ILDR1: variants seen among roughly 807,000 people sequenced by gnomAD.
ILDR1 encodes immunoglobulin like domain containing receptor 1, also known as immunoglobulin-like domain-containing receptor 1.
A neutral mutation model predicts 62.4 loss-of-function variants in ILDR1; 56 were observed. The ratio of observed to expected loss-of-function variants is 0.90; its 90% CI spans 0.72 to 1.12. The LOEUF (loss-of-function observed/expected upper bound fraction) is 1.12, where lower values mean the gene tolerates loss of function less well. Among genes scored for constraint, ILDR1 ranks in the 50% most tolerant of loss-of-function variants. The pLI, the probability that ILDR1 is intolerant of heterozygous loss-of-function variation, is 0.00. For missense variants in ILDR1, 736 were observed against 710.6 expected, an observed-to-expected ratio of 1.04 and a Z score of -0.41; for synonymous variants, 284 against 277.8, an observed-to-expected ratio of 1.02 and a Z score of -0.22.
Position 122,001,798 on chromosome 3 carries a change from G to C in ILDR1, c.446C>G (p.Ala149Gly). 1 of 1,613,394 alleles carries C rather than the reference G, an allele frequency of 6.2e-7. No individual in the cohort carries two copies. The highest frequency in any genetic ancestry group is 8.5e-7 in the Non-Finnish European group (1 of 1,179,906). The change falls in exon 4 of 8, where the codon GCT (alanine) becomes GGT (glycine). Residue 149 changes from alanine (A) to glycine (G), a missense_variant. Physicochemically the swap from Ala to Gly is moderately conservative, Grantham distance 60. Transcript: ENST00000344209. ...GGGGTCTCCTGATGTGTCCCCTGGA[G>C]CCTCAATGGTGCAGTAATACACTCC... is the stretch of plus-strand genomic sequence containing the variant. ...DHGVYYCTIE[A>G]PGDTSGDPDK...
At chr3:122,021,608 T>C (rs528490142) in intron 1 of ILDR1, among the ~76,000 whole-genome samples, 2 of 152,204 alleles carry the variant, frequency 1.3e-5, no homozygotes, top group South Asian at 4.1e-4. Context: ...TGAGGACACA[T>C]TATAACCTCC....
the ILDR1 span, among the ~76,000 whole-genome samples, chr3:122,055,674 G>A: frequency 6.6e-6 from 1 of 152,200 alleles, no homozygotes. Context: ...TATTTGCAAT[G>A]CCCAAAGCAG....
chr3:122,024,590 C>A (rs1409947196), upstream of ILDR1, among the ~76,000 whole-genome samples: 1 of 152,096 alleles, frequency 6.6e-6, no homozygotes, highest in East Asian at 1.9e-4. Flanking sequence ...CATCTTTTTT[C>A]TTCATGATTT....
upstream of ILDR1, among the ~76,000 whole-genome samples, chr3:122,023,261 G>A (rs1345002809): frequency 6.6e-6 from 1 of 151,808 alleles, no homozygotes; most frequent in Admixed American, 6.6e-5. Flanking sequence ...CCCCCACCAA[G>A]GTTTTGACCT....
Position 122,009,324 on chromosome 3 carries a change from A to AACACACACACACACACACAC in ILDR1, c.59-2183_59-2164dup, listed in dbSNP as rs60284951. On this transcript the variant is annotated intron_variant, in intron 1 of 7. Transcript: ENST00000344209. ...AACCACTGGTGTAGACTCAATTTAA[A>AACACACACACACACACACAC]ACACACACACACACACACACACACA... Among the ~76,000 whole-genome samples, 328 of 137,876 alleles carry AACACACACACACACACACAC rather than the reference A, an allele frequency of 2.4e-3. 7 individuals are homozygous for AACACACACACACACACACAC. The highest frequency in any genetic ancestry group is 0.012 in the Middle Eastern group (3 of 252). The allele number at this position is 137,876 out of a possible 152,430, so 90.5% of individuals were successfully genotyped here.
chr3:122,049,318 C>T, the ILDR1 span, among the ~76,000 whole-genome samples: 1 of 152,038 alleles, frequency 6.6e-6, no homozygotes, highest in African/African-American at 2.4e-5. Context: ...AAAAAATGTT[C>T]TGTGTGTTCT....
intron 1 of ILDR1, among the ~76,000 whole-genome samples, chr3:122,007,862 A>G (rs1030982320): frequency 6.6e-6 from 1 of 152,128 alleles, no homozygotes; most frequent in African/African-American, 2.4e-5. Context: ...TACCTTCTCC[A>G]GCAGCCCTCC....
chr3:122,023,860 C>T (rs1272223374), upstream of ILDR1, among the ~76,000 whole-genome samples: 3 of 152,014 alleles, frequency 2.0e-5, no homozygotes. Context: ...CCCTCAACCC[C>T]CTCTAAAGAC....
At chr3:121,991,644 C>A (rs1357416844) in intron 7 of ILDR1, among the ~76,000 whole-genome samples, 1 of 152,200 alleles carries the variant, frequency 6.6e-6, no homozygotes, top group African/African-American at 2.4e-5. Context: ...TTTGTTGATC[C>A]TTGTCACTCA....
chr3:122,007,378 T>C, intron 1 of ILDR1: 2 of 887,976 alleles, frequency 2.3e-6, no homozygotes, highest in Non-Finnish European at 3.4e-6. Flanking sequence ...AAGAAAGGAG[T>C]GAGGAAAACT....
rs62269207 is a variant in ILDR1, at chr3:122,001,647, C to T, written c.499+98G>A. 0.2 allele frequency: 313,659 copies of T among 1,557,170 alleles called. 33,084 individuals carry two copies. The highest frequency in any genetic ancestry group is 0.3 in the South Asian group (26,678 of 88,970). ...GAGGTTGATAATCCAATGACAAGAA[C>T]TTAGGCTTGCTTATTTCTGGTTTTT... On this transcript the variant is annotated intron_variant, in intron 4 of 7. Transcript: ENST00000344209.
Position 121,993,260 on chromosome 3 carries a change from G to T in ILDR1, c.1489C>A (p.Arg497Ser), listed in dbSNP as rs371286984. The change falls in exon 7 of 8, where the codon CGC (arginine) becomes AGC (serine). Residue 497 changes from arginine (R) to serine (S), a missense_variant. Physicochemically the swap from Arg to Ser is moderately radical, Grantham distance 110. Transcript: ENST00000344209. ...RQPQSWRAHR[R>S]GSHSPHWPEE... Reference sequence around the variant, plus strand: ...GGCCAGTGTGGGGAGTGCGAGCCGCGGCGGTGGGCCCGCCAGCTCTGGGGC... The same window carrying T: ...GGCCAGTGTGGGGAGTGCGAGCCGCTGCGGTGGGCCCGCCAGCTCTGGGGC... 10 of 1,613,604 alleles carry T rather than the reference G, an allele frequency of 6.2e-6. No individual in the cohort carries two copies. The highest frequency in any genetic ancestry group is 2.2e-5 in the East Asian group (1 of 44,866).
At chr3:122,017,838 A>G (rs984201701) in intron 1 of ILDR1, among the ~76,000 whole-genome samples, 10 of 152,310 alleles carry the variant, frequency 6.6e-5, no homozygotes, top group African/African-American at 2.2e-4. Context: ...CAAATCCACA[A>G]TGAGATACCA....
At chr3:122,046,189 G>C in the ILDR1 span, among the ~76,000 whole-genome samples, 1 of 150,706 alleles carries the variant, frequency 6.6e-6, no homozygotes, top group African/African-American at 2.4e-5. Flanking sequence ...GCTTAGTTTG[G>C]CTGGATATGA....
At chr3:122,015,561 T>C (rs2071765218) in intron 1 of ILDR1, among the ~76,000 whole-genome samples, 1 of 152,178 alleles carries the variant, frequency 6.6e-6, no homozygotes, top group South Asian at 2.1e-4. Context: ...AGTGGTTTTA[T>C]AAGGAGCTTC....
At chr3:122,006,772 A>T (rs367709984) in intron 2 of ILDR1, among the ~76,000 whole-genome samples, 9 of 152,314 alleles carry the variant, frequency 5.9e-5, no homozygotes, top group African/African-American at 2.2e-4. Flanking sequence ...AAAGCAGGAA[A>T]AAATTTTAAA....
upstream of ILDR1, among the ~76,000 whole-genome samples, chr3:122,024,381 T>C (rs926633336): frequency 7.2e-5 from 11 of 152,286 alleles, no homozygotes; most frequent in African/African-American, 2.6e-4. Flanking sequence ...CCAAACATAA[T>C]AGGGAAGATA....
At chr3:121,989,191 T>A (rs2071300403) in intron 7 of ILDR1, among the ~76,000 whole-genome samples, 1 of 152,210 alleles carries the variant, frequency 6.6e-6, no homozygotes, top group Admixed American at 6.5e-5. Context: ...AAAAAAAGTT[T>A]CCAATTTATC....
At chr3:121,994,918 G>A (rs2071414201) in intron 5 of ILDR1, among the ~76,000 whole-genome samples, 2 of 152,194 alleles carry the variant, frequency 1.3e-5, no homozygotes, top group African/African-American at 2.4e-5. Context: ...AGATTCCAGT[G>A]AGTCCTTTCT....
Sources: gnomAD v4.1 joint callset for allele counts (sites outside exome capture counted in the v4.1 genomes callset) on GRCh38, gnomAD v4.1.1 for gene constraint, MANE v1.5 for transcripts, NCBI Gene and HGNC (gene_info 2026-07-23, HGNC 2026-07-21) for gene names.